The following SLIT2 variants were observed in gnomAD, a reference collection of about 807,000 sequenced individuals.
SLIT2 encodes the protein slit homolog 2 protein.
A neutral mutation model predicts 185.7 loss-of-function variants in SLIT2; 41 were observed. The observed-to-expected ratio is 0.22, with a 90% confidence interval of 0.17 to 0.29. The LOEUF (loss-of-function observed/expected upper bound fraction) is 0.29. Ranked by LOEUF, SLIT2 falls within the 10% of genes least tolerant of loss-of-function variation. SLIT2 has a pLI of 1.00. For missense variants in SLIT2, 1,571 were observed against 1,909.0 expected, an observed-to-expected ratio of 0.82 and a Z score of 3.30; for synonymous variants, 693 against 680.2, an observed-to-expected ratio of 1.02 and a Z score of -0.29.
At chr4:20,487,786 G>A (rs1229865866) in intron 7 of SLIT2, among the ~76,000 whole-genome samples, 1 of 152,152 alleles carries the variant, frequency 6.6e-6, no homozygotes, top group African/African-American at 2.4e-5. Flanking sequence ...CATTTTACTT[G>A]AAATTCCTTT....
intron 8 of SLIT2, 23 bp downstream of exon 8, chr4:20,489,005 GTTATTGTGT>G (rs775725336): frequency 6.3e-7 from 1 of 1,588,300 alleles, no homozygotes; most frequent in Non-Finnish European, 8.6e-7. Flanking sequence ...GAAGAGTGAT[GTTATTGTGT>G]TTATTGTATC....
At chr4:20,315,523 T>C (rs1409760863) in intron 4 of SLIT2, among the ~76,000 whole-genome samples, 2 of 152,106 alleles carry the variant, frequency 1.3e-5, no homozygotes, top group Admixed American at 6.5e-5. Context: ...GAAGAATGTG[T>C]ATCAAATTGT....
chr4:20,312,444 AT>A (rs1461543851), intron 4 of SLIT2, among the ~76,000 whole-genome samples: 4 of 152,130 alleles, frequency 2.6e-5, no homozygotes, highest in Non-Finnish European at 5.9e-5. Flanking sequence ...AGTGTTATAT[AT>A]TTTGTAGTTA....
chr4:20,570,947 C>T (rs1380571909), intron 29 of SLIT2, among the ~76,000 whole-genome samples: 1 of 151,610 alleles, frequency 6.6e-6, no homozygotes, highest in Admixed American at 6.6e-5. Flanking sequence ...GTCTCACCTG[C>T]TCACCCTTCA....
chr4:20,344,928 T>TA (rs551197358), intron 4 of SLIT2, among the ~76,000 whole-genome samples: 228 of 152,324 alleles, frequency 1.5e-3, no homozygotes, highest in African/African-American at 5.0e-3. Context: ...TGCTTAATTT[T>TA]AAATTCTGTA....
chr4:20,344,071 G>C (rs1220690092), intron 4 of SLIT2, among the ~76,000 whole-genome samples: 1 of 152,056 alleles, frequency 6.6e-6, no homozygotes, highest in Non-Finnish European at 1.5e-5. Context: ...GGATGGTCTC[G>C]ATCTCCTGAC....
chr4:20,614,803 T>G (rs149950300), intron 34 of SLIT2: 4 of 151,874 alleles, frequency 2.6e-5, no homozygotes, highest in Admixed American at 2.6e-4. Context: ...AAAATTCATG[T>G]ATCTACTTCT....
intron 11 of SLIT2, among the ~76,000 whole-genome samples, chr4:20,512,166 T>C (rs530411447): frequency 5.4e-4 from 82 of 152,238 alleles, no homozygotes; most frequent in African/African-American, 1.9e-3. Context: ...AGGGTTCTTA[T>C]TGATGTCAAT....
At chr4:20,331,311 T>C (rs1376380267) in intron 4 of SLIT2, among the ~76,000 whole-genome samples, 1 of 152,108 alleles carries the variant, frequency 6.6e-6, no homozygotes, top group Non-Finnish European at 1.5e-5. Context: ...CAATACATTT[T>C]CCAATTATTG....
At chr4:20,541,981 A>C (rs1388283875) in intron 20 of SLIT2, among the ~76,000 whole-genome samples, 1 of 152,188 alleles carries the variant, frequency 6.6e-6, no homozygotes, top group African/African-American at 2.4e-5. Flanking sequence ...ATCTGACAAA[A>C]ATACTAGTTG....
chr4:20,367,379 G>A (rs1018143859), intron 4 of SLIT2, among the ~76,000 whole-genome samples: 4 of 152,080 alleles, frequency 2.6e-5, no homozygotes, highest in African/African-American at 9.7e-5. Flanking sequence ...GTATATTTGG[G>A]AAACCTTTTG....
rs566105787 is a variant in SLIT2, at chr4:20,415,305, G to A, written c.396-52447G>A. Among the ~76,000 whole-genome samples, 163 of 151,736 alleles carry A rather than the reference G, an allele frequency of 1.1e-3. 1 individual carries two copies. The highest frequency in any genetic ancestry group is 3.4e-3 in the Middle Eastern group (1 of 292). On this transcript the variant is annotated intron_variant, in intron 4 of 36. Coordinates refer to ENST00000504154, the MANE Select transcript of SLIT2 (RefSeq NM_004787.4). Reference sequence around the variant, plus strand: ...GGGCGCCTGTAGTCCCAGCTACTCAGGAGGCTGAGGCAGGAGAATTGTGTG... The same window carrying A: ...GGGCGCCTGTAGTCCCAGCTACTCAAGAGGCTGAGGCAGGAGAATTGTGTG...
intron 4 of SLIT2, among the ~76,000 whole-genome samples, chr4:20,297,835 CCT>C (rs1716638006): frequency 6.6e-6 from 1 of 151,950 alleles, no homozygotes; most frequent in Admixed American, 6.6e-5. Context: ...TAACGGATAC[CCT>C]GTCTTCATAA....
rs541342895 is a variant in SLIT2 at position 20,600,208 on chromosome 4, G to A, written c.3692+1813G>A. 1.1e-4 allele frequency among the ~76,000 whole-genome samples: 16 copies of A among 151,940 alleles called. No individual in the cohort carries two copies. In the East Asian group the frequency reaches 2.9e-3, roughly 28 times the overall value. On this transcript the variant is annotated intron_variant, in intron 33 of 36. Coordinates refer to ENST00000504154, the MANE Select transcript of SLIT2 (RefSeq NM_004787.4). ...CAGCACAGAACTCTCAGAAGCCATA[G>A]TAAAGGTTTTTGGTTTGGCTTATTA...
chr4:20,545,909 C>T (rs12501787), intron 21 of SLIT2, 122 bp from the exon 22 acceptor site: 4 of 462,744 alleles, frequency 8.6e-6, no homozygotes, highest in East Asian at 3.5e-5. Context: ...TGGAACACGA[C>T]ATCTTAAAGC....
In SLIT2 at chr4:20,292,448, G is replaced by A. The variant is rs1716047031; in HGVS notation, c.395+23567G>A. Among the ~76,000 whole-genome samples the A allele has an allele frequency of 2.0e-5, 3 of 152,262 alleles. No homozygotes were observed. The South Asian group carries it at 6.2e-4, about 32-fold the overall frequency. On this transcript the variant is annotated intron_variant, in intron 4 of 36. Transcript: ENST00000504154. ...GTGAGAGGATCGCTTGAGGACAGGA[G>A]TTTGAGAGTAGCTTTCTGGGTGATA...
At chr4:20,313,048 A>C (rs544846348) in intron 4 of SLIT2, among the ~76,000 whole-genome samples, 11 of 152,220 alleles carry the variant, frequency 7.2e-5, no homozygotes, top group African/African-American at 2.6e-4. Flanking sequence ...TTGCTTGTAA[A>C]CCGTATTAAT....
rs188245823 is a variant in SLIT2 at position 20,446,635 on chromosome 4, A to G, written c.396-21117A>G. ...AAATTGCAAATTAAGGAGAAATAAA[A>G]GAAAATATGCATCACTGAAAAATAA... On this transcript the variant is annotated intron_variant, in intron 4 of 36. Transcript: ENST00000504154. 2.8e-3 allele frequency among the ~76,000 whole-genome samples: 429 copies of G among 152,082 alleles called. 3 individuals are homozygous for G. The highest frequency in any genetic ancestry group is 0.024 in the Middle Eastern group (7 of 294).
intron 9 of SLIT2, among the ~76,000 whole-genome samples, chr4:20,494,513 A>T (rs1718051732): frequency 6.6e-6 from 1 of 152,208 alleles, no homozygotes; most frequent in Non-Finnish European, 1.5e-5. Context: ...GCAGTGGCTC[A>T]CGCCTGTAAT....
Sources: gnomAD v4.1 joint callset for allele counts (sites outside exome capture counted in the v4.1 genomes callset) on GRCh38, gnomAD v4.1.1 for gene constraint, MANE v1.5 for transcripts, NCBI Gene and HGNC (gene_info 2026-07-23, HGNC 2026-07-21) for gene names.